MYO1E: variants seen among roughly 807,000 people sequenced by gnomAD.
MYO1E encodes the protein myosin IE.
Under a neutral mutation model 151.1 loss-of-function variants are expected in MYO1E, and 68 were observed. That is an observed-to-expected ratio of 0.45 (90% CI 0.37 to 0.55). The LOEUF is 0.55. MYO1E is among the 20% of genes least tolerant of loss of function. The pLI is 0.00. For missense variants in MYO1E, 1,363 were observed against 1,389.3 expected (o/e 0.98, Z 0.30); for synonymous variants, 601 against 501.7 (o/e 1.20, Z -2.64).
intron 1 of MYO1E, among the ~76,000 whole-genome samples, chr15:59,338,805 T>C (rs1250217109): frequency 2.6e-5 from 4 of 152,164 alleles, no homozygotes; most frequent in Non-Finnish European, 4.4e-5. Context: ...CATCTAAAAA[T>C]AGACATTTAA....
intron 9 of MYO1E, chr15:59,218,430 C>A (rs975881876): frequency 7.4e-6 from 3 of 407,656 alleles, no homozygotes; most frequent in Admixed American, 3.6e-5. Flanking sequence ...AAGCTTCCAG[C>A]ACGACAGCCA....
chr15:59,253,287 T>TA (rs1439270063), intron 4 of MYO1E, among the ~76,000 whole-genome samples: 1 of 152,164 alleles, frequency 6.6e-6, no homozygotes, highest in African/African-American at 2.4e-5. Flanking sequence ...GCAAAAGAAC[T>TA]AATAACTGCA....
chr15:59,163,060 T>C (rs1313070210), intron 23 of MYO1E, 97 bp downstream of exon 23: 5 of 1,425,186 alleles, frequency 3.5e-6, no homozygotes, highest in African/African-American at 1.4e-5. Context: ...ACTCTTCTCC[T>C]CGCAGGCCTC....
chr15:59,245,840 C>A (rs2080126430), intron 4 of MYO1E, among the ~76,000 whole-genome samples: 1 of 152,202 alleles, frequency 6.6e-6, no homozygotes, highest in Non-Finnish European at 1.5e-5. Flanking sequence ...TTGTCAAGAT[C>A]TTGTCTGGTG....
Position 59,372,841 on chromosome 15 carries a change from C to T in MYO1E, c.-341G>A. The T allele has an allele frequency of 2.3e-6, 1 of 430,568 alleles. No homozygotes were observed. The highest frequency in any genetic ancestry group is 4.4e-5 in the East Asian group (1 of 22,824). 26.7% of individuals were successfully genotyped at this position (430,568 alleles called of 1,614,324 possible). On this transcript the variant is annotated 5_prime_UTR_variant, in exon 1 of 28. Transcript: ENST00000288235. ...CCTGCCTCACTCCTCTTTCTTCGGC[C>T]ACTTAATCCGTACTCCTCTGGCTGA...
intron 7 of MYO1E, 107 bp downstream of exon 7, chr15:59,227,352 T>A: frequency 7.4e-7 from 1 of 1,358,370 alleles, no homozygotes; most frequent in South Asian, 1.2e-5. Flanking sequence ...GGTATCATCA[T>A]CAGTCCTCCC....
chr15:59,317,096 T>C (rs1379790305), intron 1 of MYO1E, among the ~76,000 whole-genome samples: 1 of 152,214 alleles, frequency 6.6e-6, no homozygotes. Context: ...GGCATGTACA[T>C]TCCAATCTTT....
chr15:59,356,340 G>T lies in MYO1E; in HGVS notation c.3+16158C>A, dbSNP rs1423564187. 3.9e-5 allele frequency among the ~76,000 whole-genome samples: 6 copies of T among 152,234 alleles called. No homozygotes were observed. In the South Asian group the frequency reaches 1.2e-3, roughly 32 times the overall value. ...GTGGGGAGTGACACACATCAGACAA[G>T]GTTCCAACGAAAATGAAAGGCTTGC... On this transcript the variant is annotated intron_variant, in intron 1 of 27. Coordinates refer to ENST00000288235, the MANE Select transcript of MYO1E (RefSeq NM_004998.4).
At chr15:59,138,416 A>C (rs1163262042) in intron 26 of MYO1E, 49 bp from the exon 27 acceptor site, 2 of 1,602,810 alleles carry the variant, frequency 1.2e-6, no homozygotes, top group Non-Finnish European at 1.7e-6. Context: ...AGGGGGCAGC[A>C]GCACCGAACG....
chr15:59,182,549 T>C (rs1365758357), intron 18 of MYO1E, among the ~76,000 whole-genome samples: 1 of 152,098 alleles, frequency 6.6e-6, no homozygotes, highest in Non-Finnish European at 1.5e-5. Flanking sequence ...ATGACAACAA[T>C]AAAAGAGCCT....
intron 14 of MYO1E, chr15:59,207,535 T>C: frequency 1.9e-6 from 3 of 1,614,058 alleles, no homozygotes; most frequent in African/African-American, 1.3e-5. Flanking sequence ...AGCTTGGAAG[T>C]TGAGTGCATT....
chr15:59,188,808 T>C (rs2079715465), intron 17 of MYO1E, among the ~76,000 whole-genome samples: 1 of 152,258 alleles, frequency 6.6e-6, no homozygotes, highest in Non-Finnish European at 1.5e-5. Flanking sequence ...ATCTATCACC[T>C]AGAGTATGAA....
chr15:59,273,478 G>A (rs933492936), intron 1 of MYO1E, among the ~76,000 whole-genome samples: 5 of 152,264 alleles, frequency 3.3e-5, no homozygotes, highest in African/African-American at 4.8e-5. Flanking sequence ...TGATTCATGC[G>A]TCAATAACAG....
At chr15:59,249,144 C>T (rs1359587934) in intron 4 of MYO1E, among the ~76,000 whole-genome samples, 12 of 152,174 alleles carry the variant, frequency 7.9e-5, no homozygotes, top group Admixed American at 5.2e-4. Context: ...CACTTTGTGG[C>T]CAGGCGCGGT....
chr15:59,307,401 C>A (rs2140407850), intron 1 of MYO1E, among the ~76,000 whole-genome samples: 1 of 152,302 alleles, frequency 6.6e-6, no homozygotes, highest in South Asian at 2.1e-4. Flanking sequence ...ACAACAGCAG[C>A]TGGGCAGCTG....
At chr15:59,222,961 A>G (rs1457121899) in intron 9 of MYO1E, 98 bp downstream of exon 9, 4 of 1,554,056 alleles carry the variant, frequency 2.6e-6, no homozygotes, top group East Asian at 2.3e-5. Flanking sequence ...CTTCTTCCCA[A>G]TATTCCCATT....
At chr15:59,215,147 G>T in intron 10 of MYO1E, among the ~76,000 whole-genome samples, 1 of 152,128 alleles carries the variant, frequency 6.6e-6, no homozygotes, top group East Asian at 1.9e-4. Flanking sequence ...AACACAATAT[G>T]CCAGGGATGC....
At chr15:59,265,219 T>C (rs187839044) in intron 2 of MYO1E, among the ~76,000 whole-genome samples, 7 of 152,214 alleles carry the variant, frequency 4.6e-5, no homozygotes, top group Admixed American at 4.6e-4. Flanking sequence ...GTTCCCTTAG[T>C]TGTAAAGGGA....
At chr15:59,277,558 A>AC (rs553908579) in intron 1 of MYO1E, among the ~76,000 whole-genome samples, 65,779 of 118,256 alleles carry the variant, frequency 0.56, 17,946 homozygotes, top group Non-Finnish European at 0.66. Flanking sequence ...CAAAAAAAAA[A>AC]AAAAAAAAAA....
Sources: allele counts gnomAD v4.1 joint callset (sites outside exome capture counted in the v4.1 genomes callset), GRCh38; gene constraint gnomAD v4.1.1; transcripts MANE v1.5; gene names NCBI Gene and HGNC (gene_info 2026-07-23, HGNC 2026-07-21).